The following SGCZ variants were observed in gnomAD, a reference collection of about 807,000 sequenced individuals.
SGCZ encodes sarcoglycan zeta, also known as zeta-sarcoglycan.
Under a neutral mutation model 41.3 loss-of-function variants are expected in SGCZ, and 40 were observed. The observed-to-expected ratio is 0.97, with a 90% CI of 0.75 to 1.26. SGCZ has a LOEUF of 1.26. Ranked by LOEUF, SGCZ falls within the 50% of genes most tolerant of loss-of-function variation. SGCZ has a pLI of 0.00. For synonymous variants in SGCZ, 206 were observed against 137.5 expected (o/e 1.50, Z -3.49); for missense variants, 552 against 369.8 (o/e 1.49, Z -4.04).
In SGCZ at chr8:15,237,640, A is replaced by G; in HGVS notation, c.-17T>C. ...TCTGTCCATGGAGCGCAACTAAACG[A>G]AGTGGAGAGGAACCGGGCGAGTGGC... On this transcript the variant is annotated 5_prime_UTR_variant, in exon 1 of 8. Transcript: ENST00000382080. 1 of 1,579,842 alleles carries G rather than the reference A, an allele frequency of 6.3e-7. No homozygotes were observed. The highest frequency in any genetic ancestry group is 8.6e-7 in the Non-Finnish European group (1 of 1,160,708).
At chr8:14,856,276 A>T (rs1389146750) in intron 1 of SGCZ, among the ~76,000 whole-genome samples, 1 of 152,204 alleles carries the variant, frequency 6.6e-6, no homozygotes, top group Non-Finnish European at 1.5e-5. Context: ...TACAGACTGT[A>T]ACGAATCCTA....
At chr8:14,501,766 C>T (rs1802162878) in intron 2 of SGCZ, among the ~76,000 whole-genome samples, 1 of 151,764 alleles carries the variant, frequency 6.6e-6, no homozygotes, top group African/African-American at 2.4e-5. Flanking sequence ...CTATTCCCTC[C>T]AAAATTTAGT....
chr8:14,896,697 G>A (rs1188902011), intron 1 of SGCZ, among the ~76,000 whole-genome samples: 6 of 151,810 alleles, frequency 4.0e-5, no homozygotes, highest in African/African-American at 9.7e-5. Flanking sequence ...AGGTAGTCTC[G>A]AACTCCTGAC....
At chr8:14,371,580 A>G (rs1180063014) in intron 2 of SGCZ, among the ~76,000 whole-genome samples, 5 of 152,100 alleles carry the variant, frequency 3.3e-5, no homozygotes, top group Non-Finnish European at 7.4e-5. Flanking sequence ...TTGAACTTTC[A>G]GTCATCTTTC....
At position 14,087,209 on chromosome 8, in the gene SGCZ, ATG is replaced by A. The variant is rs551579039; in HGVS notation, c.*3232_*3233del. 3.3e-5 allele frequency among the ~76,000 whole-genome samples: 5 copies of A among 151,654 alleles called. No homozygotes were observed. Among genetic ancestry groups the A allele is most frequent in the Admixed American group, 1.3e-4 (2 of 15,166 alleles). Reference sequence around the variant, plus strand: ...ATATATTTTAGACATAAATGTGTGTATGTGTGTGTATGACTAATAAGTAAGTA... The same window carrying A: ...ATATATTTTAGACATAAATGTGTGTATGTGTGTATGACTAATAAGTAAGTA... On this transcript the variant is annotated 3_prime_UTR_variant, in exon 8 of 8. Transcript: ENST00000382080.
At chr8:14,416,463 G>A (rs553734464) in intron 2 of SGCZ, among the ~76,000 whole-genome samples, 1 of 151,866 alleles carries the variant, frequency 6.6e-6, no homozygotes. Context: ...GCCTACAACT[G>A]CACCCATGAA....
intron 1 of SGCZ, among the ~76,000 whole-genome samples, chr8:14,995,231 G>A (rs1229280771): frequency 6.6e-6 from 1 of 152,270 alleles, no homozygotes; most frequent in Non-Finnish European, 1.5e-5. Flanking sequence ...GCTCACGCTG[G>A]TAGCTCTGTG....
At chr8:15,124,775 G>C (rs532060428) in intron 1 of SGCZ, among the ~76,000 whole-genome samples, 1 of 152,150 alleles carries the variant, frequency 6.6e-6, no homozygotes, top group African/African-American at 2.4e-5. Context: ...CAAACAACGT[G>C]ATTGCATTTT....
chr8:14,420,817 T>C (rs375933571), intron 2 of SGCZ, among the ~76,000 whole-genome samples: 77 of 152,266 alleles, frequency 5.1e-4, no homozygotes, highest in African/African-American at 1.8e-3. Flanking sequence ...CCTCCTTTTA[T>C]CTTTGTTAAA....
intron 1 of SGCZ, among the ~76,000 whole-genome samples, chr8:15,077,236 T>C (rs527272491): frequency 1.3e-5 from 2 of 152,278 alleles, no homozygotes; most frequent in South Asian, 4.1e-4. Flanking sequence ...TTAAGTACAA[T>C]TATAAAACCA....
intron 1 of SGCZ, among the ~76,000 whole-genome samples, chr8:14,972,009 T>C (rs994611986): frequency 5.3e-5 from 8 of 152,190 alleles, no homozygotes; most frequent in Non-Finnish European, 7.3e-5. Flanking sequence ...TCTTTTTTCA[T>C]AATAACTGTG....
chr8:15,119,142 T>G (rs1017308037), intron 1 of SGCZ, among the ~76,000 whole-genome samples: 2 of 152,162 alleles, frequency 1.3e-5, no homozygotes, highest in Admixed American at 1.3e-4. Flanking sequence ...TTTGTTAGAC[T>G]CTAAAGAAAA....
chr8:14,575,711 A>T (rs891260529), intron 1 of SGCZ, among the ~76,000 whole-genome samples: 4 of 152,036 alleles, frequency 2.6e-5, no homozygotes, highest in Admixed American at 1.3e-4. Flanking sequence ...GTTCGAGATC[A>T]GCCTGACCAA....
intron 1 of SGCZ, among the ~76,000 whole-genome samples, chr8:15,113,231 A>G (rs1167013285): frequency 6.6e-6 from 1 of 152,012 alleles, no homozygotes; most frequent in African/African-American, 2.4e-5. Context: ...AACAAAAAGA[A>G]AACCAAGAAT....
chr8:14,481,124 C>G (rs1343360721), intron 2 of SGCZ, among the ~76,000 whole-genome samples: 2 of 151,756 alleles, frequency 1.3e-5, no homozygotes, highest in African/African-American at 2.4e-5. Context: ...TACAAATAAC[C>G]CAATTAAATA....
At chr8:15,104,332 G>C (rs940103155) in intron 1 of SGCZ, among the ~76,000 whole-genome samples, 3 of 152,132 alleles carry the variant, frequency 2.0e-5, no homozygotes, top group African/African-American at 7.2e-5. Flanking sequence ...TGGATGCAAA[G>C]CATTAGATAA....
At position 14,658,548 on chromosome 8, in the gene SGCZ, C is replaced by G. The variant is rs560774656; in HGVS notation, c.40-103622G>C. 4.6e-5 allele frequency among the ~76,000 whole-genome samples: 7 copies of G among 152,268 alleles called. No individual in the cohort carries two copies. In the South Asian group the frequency reaches 1.0e-3, roughly 23 times the overall value. On this transcript the variant is annotated intron_variant, in intron 1 of 7. Transcript: ENST00000382080. ...TTGACCTGTTATGCTTTTCCCTACA[C>G]ATCCTTACACTTTGGTTCGCCCACT...
At chr8:14,906,051 A>C (rs1252642828) in intron 1 of SGCZ, among the ~76,000 whole-genome samples, 1 of 152,126 alleles carries the variant, frequency 6.6e-6, no homozygotes, top group Non-Finnish European at 1.5e-5. Context: ...GGCTTTTCAA[A>C]GATTGATGCT....
At chr8:14,185,209 G>A (rs557748157) in intron 4 of SGCZ, among the ~76,000 whole-genome samples, 3 of 151,972 alleles carry the variant, frequency 2.0e-5, no homozygotes, top group Non-Finnish European at 4.4e-5. Flanking sequence ...AGACCATTCT[G>A]GTTAACATGG....
Sources: gnomAD v4.1 joint callset for allele counts (sites outside exome capture counted in the v4.1 genomes callset) on GRCh38, gnomAD v4.1.1 for gene constraint, MANE v1.5 for transcripts, NCBI Gene and HGNC (gene_info 2026-07-23, HGNC 2026-07-21) for gene names.